The following SERGEF variants were observed in gnomAD, a reference collection of about 807,000 sequenced individuals.
The protein encoded by SERGEF is secretion regulating guanine nucleotide exchange factor.
SERGEF carries 51 observed loss-of-function variants against 50.0 expected under a neutral mutation model. The ratio of observed to expected loss-of-function variants is 1.02; its 90% CI spans 0.81 to 1.29. SERGEF has a LOEUF of 1.29. Ranked by LOEUF, SERGEF falls within the 50% of genes most tolerant of loss-of-function variation. The pLI is 0.00. For missense variants in SERGEF, 521 were observed against 557.0 expected (o/e 0.94, Z 0.65); for synonymous variants, 205 against 212.4 (o/e 0.97, Z 0.30).
At chr11:17,977,708 T>C (rs190409330) in intron 8 of SERGEF, among the ~76,000 whole-genome samples, 1 of 152,314 alleles carries the variant, frequency 6.6e-6, no homozygotes, top group Non-Finnish European at 1.5e-5. Context: ...GATGAGGTCA[T>C]GAAGGTAGGG....
intron 9 of SERGEF, among the ~76,000 whole-genome samples, chr11:17,908,348 T>C (rs1205199425): frequency 6.6e-6 from 1 of 152,144 alleles, no homozygotes; most frequent in Non-Finnish European, 1.5e-5. Context: ...GCAGCTCTTT[T>C]TGCCTGAAAC....
chr11:17,963,010 C>T (rs1348635493), intron 8 of SERGEF, among the ~76,000 whole-genome samples: 2 of 151,610 alleles, frequency 1.3e-5, no homozygotes, highest in East Asian at 3.9e-4. Context: ...GGTGAAACCC[C>T]GTCTCTACTA....
chr11:17,824,703 C>CCT (rs903490656), intron 10 of SERGEF, among the ~76,000 whole-genome samples: 1 of 152,204 alleles, frequency 6.6e-6, no homozygotes, highest in Non-Finnish European at 1.5e-5. Context: ...CATGGCCTTT[C>CCT]CTCTGCATGT....
At chr11:17,962,608 A>T (rs1046321593) in intron 8 of SERGEF, among the ~76,000 whole-genome samples, 1 of 152,244 alleles carries the variant, frequency 6.6e-6, no homozygotes, top group Non-Finnish European at 1.5e-5. Flanking sequence ...CAGCAAGTGC[A>T]ACACAATTTA....
intron 4 of SERGEF, chr11:18,002,204 T>C (rs1853977562): frequency 1.8e-5 from 6 of 338,144 alleles, no homozygotes; most frequent in South Asian, 1.4e-4. Flanking sequence ...TTCAGTCTCT[T>C]TAACACCACT....
chr11:17,826,043 T>G (rs1160719597), intron 10 of SERGEF, among the ~76,000 whole-genome samples: 7 of 152,152 alleles, frequency 4.6e-5, no homozygotes, highest in Admixed American at 3.3e-4. Context: ...TGTCTACCTA[T>G]CATGGGAATT....
chr11:17,982,910 G>C (rs1853520432), intron 8 of SERGEF, among the ~76,000 whole-genome samples: 1 of 152,184 alleles, frequency 6.6e-6, no homozygotes, highest in Non-Finnish European at 1.5e-5. Flanking sequence ...AATTTCACTG[G>C]AAAGTAGAAC....
At chr11:17,801,174 G>T (rs1849662706) in intron 10 of SERGEF, among the ~76,000 whole-genome samples, 1 of 132,312 alleles carries the variant, frequency 7.6e-6, no homozygotes, top group Non-Finnish European at 1.5e-5. Flanking sequence ...CGGCCTGGGC[G>T]AAAGAGCGAG....
chr11:17,911,044 C>T (rs1851942740), intron 9 of SERGEF, among the ~76,000 whole-genome samples: 1 of 152,128 alleles, frequency 6.6e-6, no homozygotes, highest in South Asian at 2.1e-4. Flanking sequence ...GCTTATTAAA[C>T]ACCTATTCTG....
intron 10 of SERGEF, among the ~76,000 whole-genome samples, chr11:17,825,349 G>A (rs1055878794): frequency 6.6e-6 from 1 of 152,168 alleles, no homozygotes; most frequent in Non-Finnish European, 1.5e-5. Context: ...CCAGCCCTAG[G>A]AGCTTATATA....
intron 10 of SERGEF, among the ~76,000 whole-genome samples, chr11:17,844,185 C>A (rs2133865234): frequency 6.6e-6 from 1 of 152,162 alleles, no homozygotes; most frequent in South Asian, 2.1e-4. Flanking sequence ...ACTCAGGTAT[C>A]CAATTCACAG....
intron 9 of SERGEF, among the ~76,000 whole-genome samples, chr11:17,879,905 T>C (rs1470125203): frequency 6.6e-6 from 1 of 152,242 alleles, no homozygotes; most frequent in African/African-American, 2.4e-5. Flanking sequence ...TCTGATTCTC[T>C]TAATTCTCCC....
At chr11:17,931,589 C>G (rs184161066) in intron 9 of SERGEF, among the ~76,000 whole-genome samples, 29 of 152,274 alleles carry the variant, frequency 1.9e-4, no homozygotes, top group African/African-American at 6.7e-4. Context: ...GCCTAAAGGT[C>G]AAGTGGTCCC....
chr11:18,006,320 C>T (rs1019811783), intron 3 of SERGEF, among the ~76,000 whole-genome samples: 6 of 152,028 alleles, frequency 3.9e-5, no homozygotes, highest in Admixed American at 1.3e-4. Context: ...GGACTATAGG[C>T]ATGGGGTACC....
chr11:17,999,632 C>G (rs1303816194), intron 5 of SERGEF: 9 of 448,620 alleles, frequency 2.0e-5, no homozygotes. Flanking sequence ...AAAGGGTCAC[C>G]ATTCTCCCAC....
intron 10 of SERGEF, chr11:17,855,249 T>A (rs530839373): frequency 1.3e-5 from 2 of 152,334 alleles, no homozygotes; most frequent in South Asian, 2.1e-4. Flanking sequence ...ATTTTATAGA[T>A]GTGCTATTGG....
At chr11:17,802,832 C>T (rs1565171514) in intron 10 of SERGEF, among the ~76,000 whole-genome samples, 2 of 151,520 alleles carry the variant, frequency 1.3e-5, no homozygotes, top group Non-Finnish European at 2.9e-5. Context: ...TCCTTTCATT[C>T]TCTTTATACT....
chr11:18,008,414 T>G (rs1854127564), intron 1 of SERGEF, among the ~76,000 whole-genome samples: 1 of 152,174 alleles, frequency 6.6e-6, no homozygotes. Flanking sequence ...CTGGCAGGCT[T>G]AATTTACTGG....
At chr11:17,824,197 A>G (rs1850140795) in intron 10 of SERGEF, among the ~76,000 whole-genome samples, 1 of 152,076 alleles carries the variant, frequency 6.6e-6, no homozygotes, top group Admixed American at 6.5e-5. Flanking sequence ...GCTACTCAGG[A>G]GGCTGAGGCA....
Sources: gnomAD v4.1 joint callset for allele counts (sites outside exome capture counted in the v4.1 genomes callset) on GRCh38, gnomAD v4.1.1 for gene constraint, MANE v1.5 for transcripts, NCBI Gene and HGNC (gene_info 2026-07-23, HGNC 2026-07-21) for gene names.